The following TIAM2 variants were observed in gnomAD, a reference collection of about 807,000 sequenced individuals.
The protein encoded by TIAM2 is TIAM Rac1 associated GEF 2, also known as rho guanine nucleotide exchange factor TIAM2.
TIAM2 carries 80 observed loss-of-function variants against 152.9 expected under a neutral mutation model. The observed-to-expected ratio is 0.52, with a 90% CI of 0.44 to 0.63. TIAM2 has a LOEUF of 0.63. Ranked by LOEUF, TIAM2 falls within the 30% of genes least tolerant of loss-of-function variation. TIAM2 has a pLI of 0.00. For missense variants in TIAM2, 1,965 were observed against 2,120.1 expected (o/e 0.93, Z 1.44); for synonymous variants, 804 against 838.0 (o/e 0.96, Z 0.70).
chr6:155,203,726 CTGAGA>C (rs991087186), intron 14 of TIAM2, among the ~76,000 whole-genome samples: 78 of 152,158 alleles, frequency 5.1e-4, no homozygotes, highest in Middle Eastern at 3.4e-3. Context: ...TTTTTTGAGC[CTGAGA>C]TGAGAGTCCC....
rs147639806 is a variant in TIAM2, at chr6:155,117,893, A to G, written c.-117-9597A>G. Among the ~76,000 whole-genome samples, 42 of 152,344 alleles carry G rather than the reference A, an allele frequency of 2.8e-4. No homozygotes were observed. In the East Asian group the frequency reaches 8.1e-3, roughly 29 times the overall value. The stretch of plus-strand genomic sequence containing the variant: ...GTGTCCAGCACAGTGCTCCGTGTAT[A>G]GGAGAGTCTCCAAACATTCATGTCG... On this transcript the variant is annotated intron_variant, in intron 2 of 26. Transcript: ENST00000682666.
At position 155,183,347 on chromosome 6, in the gene TIAM2, A is replaced by C. The variant is rs534181848; in HGVS notation, c.2911A>C (p.Ile971Leu). The change falls in exon 14 of 27, where the codon ATT (isoleucine) becomes CTT (leucine). Residue 971 changes from isoleucine (I) to leucine (L), a missense_variant. Ile to Leu is a conservative substitution (Grantham distance 5, BLOSUM62 2). Around this residue, in one of 3 missense-constraint regions of TIAM2, gnomAD observed 935 missense variants for 980.0 expected, o/e 0.95. Transcript: ENST00000682666. Reference protein sequence around the residue: ...FSEKSVGLTLIARPPDTKATL... With the variant: ...FSEKSVGLTLLARPPDTKATL... ...TGAGAAGAGCGTCGGACTCACTCTGATTGCCCGGCCTCCGGACACAAAAGC... is the reference window on the plus strand; with the variant it reads ...TGAGAAGAGCGTCGGACTCACTCTGCTTGCCCGGCCTCCGGACACAAAAGC... 6.2e-7 allele frequency: 1 copy of C among 1,614,102 alleles called. No individual in the cohort carries two copies. Among genetic ancestry groups the C allele is most frequent in the East Asian group, 2.2e-5 (1 of 44,880 alleles).
intron 5 of TIAM2, among the ~76,000 whole-genome samples, chr6:155,142,235 G>A (rs1467579830): frequency 6.6e-6 from 1 of 152,230 alleles, no homozygotes; most frequent in Non-Finnish European, 1.5e-5. Context: ...ATAGAGTTAA[G>A]ATTGATTTCC....
chr6:155,170,140 C>T (rs571223484), intron 9 of TIAM2, among the ~76,000 whole-genome samples: 1 of 123,624 alleles, frequency 8.1e-6, no homozygotes, highest in Non-Finnish European at 1.8e-5. Context: ...CACTTACCAT[C>T]TCTTACTGTT....
intron 1 of TIAM2, among the ~76,000 whole-genome samples, chr6:154,998,001 A>G (rs147802185): frequency 9.9e-5 from 15 of 152,200 alleles, no homozygotes; most frequent in Admixed American, 2.6e-4. Flanking sequence ...TTTTTTTTGT[A>G]TAAGTCAGTA....
At chr6:155,052,114 C>G (rs1052362138) in intron 1 of TIAM2, among the ~76,000 whole-genome samples, 1 of 152,042 alleles carries the variant, frequency 6.6e-6, no homozygotes, top group African/African-American at 2.4e-5. Flanking sequence ...CACTTGTTAC[C>G]TGTGGTCTCT....
At chr6:155,015,686 C>T (rs1778562557) in intron 1 of TIAM2, among the ~76,000 whole-genome samples, 1 of 152,026 alleles carries the variant, frequency 6.6e-6, no homozygotes, top group Admixed American at 6.6e-5. Flanking sequence ...CCTGTAATCC[C>T]AGCACTTTGG....
At chr6:155,234,003 T>TGGG (rs1430860867) in intron 15 of TIAM2, among the ~76,000 whole-genome samples, 7 of 147,236 alleles carry the variant, frequency 4.8e-5, no homozygotes, top group Admixed American at 6.7e-5. Context: ...AAATTTTTTT[T>TGGG]GGGGGGGGGT....
At chr6:155,142,588 A>C (rs1260182534) in intron 5 of TIAM2, among the ~76,000 whole-genome samples, 6 of 152,200 alleles carry the variant, frequency 3.9e-5, no homozygotes, top group Admixed American at 3.3e-4. Context: ...TAGCATGTGC[A>C]ACAGTAGCAT....
chr6:155,050,396 T>TGA (rs1332212761), intron 1 of TIAM2, among the ~76,000 whole-genome samples: 1 of 152,226 alleles, frequency 6.6e-6, no homozygotes, highest in African/African-American at 2.4e-5. Context: ...GAAGGTCTTG[T>TGA]GAAGAACGGT....
intron 3 of TIAM2, among the ~76,000 whole-genome samples, chr6:155,128,035 C>T (rs755520874): frequency 3.5e-4 from 54 of 152,204 alleles, no homozygotes; most frequent in African/African-American, 1.2e-3. Context: ...GAGATGGTTT[C>T]TTCTTTCCTC....
In TIAM2 at chr6:155,165,267, G is replaced by A; in HGVS notation, c.2219G>A (p.Cys740Tyr). Residue 740 changes from cysteine (C) to tyrosine (Y), a missense_variant, in exon 9 of 27, where the codon TGT (cysteine) becomes TAT (tyrosine). Cys to Tyr is a radical substitution (Grantham distance 194). This residue lies in a region of TIAM2 where 1,025 missense variants were observed against 1,119.4 expected (regional missense o/e 0.92). Coordinates refer to ENST00000682666, the MANE Select transcript of TIAM2 (RefSeq NM_012454.4). ...TTAAACTGTGTTTTACATTAGGTAT[G>A]TTCTAGAGATGACTCTGCTCTCCGG... Reference protein sequence around the residue: ...LSVSSFHALVCSRDDSALRKR... With the variant: ...LSVSSFHALVYSRDDSALRKR... The A allele has an allele frequency of 1.9e-6, 3 of 1,612,606 alleles. No individual in the cohort carries two copies. Among genetic ancestry groups the A allele is most frequent in the East Asian group, 4.5e-5 (2 of 44,876 alleles).
intron 3 of TIAM2, among the ~76,000 whole-genome samples, chr6:155,128,572 T>G (rs748076742): frequency 1.8e-4 from 27 of 151,992 alleles, no homozygotes; most frequent in Non-Finnish European, 2.8e-4. Flanking sequence ...CAAGAATCAT[T>G]AGTTTGGTCA....
intron 2 of TIAM2, among the ~76,000 whole-genome samples, chr6:155,122,911 C>T (rs1435542477): frequency 6.6e-6 from 1 of 151,172 alleles, no homozygotes; most frequent in South Asian, 2.1e-4. Context: ...TTTTTTTCAG[C>T]CCCCTTTCTA....
chr6:155,248,413 T>TA (rs965874660), intron 20 of TIAM2, among the ~76,000 whole-genome samples: 10 of 152,228 alleles, frequency 6.6e-5, no homozygotes, highest in African/African-American at 2.4e-4. Flanking sequence ...CTCATCCGGG[T>TA]AGCGCCATAC....
chr6:155,241,070 T>A (rs117621749), intron 16 of TIAM2, among the ~76,000 whole-genome samples: 1,858 of 152,322 alleles, frequency 0.012, 31 homozygotes, highest in Non-Finnish European at 0.015. Flanking sequence ...AATCTGTACA[T>A]ACGTGACGGC....
At chr6:155,031,346 A>G (rs893150494) in intron 1 of TIAM2, among the ~76,000 whole-genome samples, 25 of 152,214 alleles carry the variant, frequency 1.6e-4, no homozygotes, top group Non-Finnish European at 3.2e-4. Context: ...GATACTTCAC[A>G]TAACTTTTGC....
At position 155,176,861 on chromosome 6, in the gene TIAM2, C is replaced by T. The variant is rs137976809; in HGVS notation, c.2407C>T (p.Pro803Ser). ...ATATGGTTCAACAGTAGACGGTGTT[C>T]CCCGAGACAATGCATGGGAAATCCA... ...HIYGSTVDGV[P>S]RDNAWEIQTY... Residue 803 changes from proline (P) to serine (S), a missense_variant, in exon 10 of 27, where the codon CCC becomes TCC. Pro to Ser is a moderately conservative substitution (Grantham distance 74). This residue lies in a region of TIAM2 where 1,025 missense variants were observed against 1,119.4 expected (regional missense o/e 0.92). Transcript: ENST00000682666. 1.6e-3 allele frequency: 2,632 copies of T among 1,613,972 alleles called. 3 individuals carry two copies. Among genetic ancestry groups the T allele is most frequent in the Non-Finnish European group, 2.0e-3 (2,354 of 1,179,936 alleles).
chr6:155,080,009 G>A (rs1325806392), intron 1 of TIAM2, among the ~76,000 whole-genome samples: 1 of 152,068 alleles, frequency 6.6e-6, no homozygotes, highest in Non-Finnish European at 1.5e-5. Flanking sequence ...TGCTTGGATC[G>A]TTCTGATGAT....
Sources: allele counts gnomAD v4.1 joint callset (sites outside exome capture counted in the v4.1 genomes callset), GRCh38; gene constraint gnomAD v4.1.1; regional missense constraint gnomAD v4.1.1; transcripts MANE v1.5; gene names NCBI Gene and HGNC (gene_info 2026-07-23, HGNC 2026-07-21).